The following BCAR1 variants were observed in gnomAD, a reference collection of about 807,000 sequenced individuals.
The protein encoded by BCAR1 is BCAR1 scaffold protein, Cas family member.
Under a neutral mutation model 67.6 loss-of-function variants are expected in BCAR1, and 30 were observed. The ratio of observed to expected loss-of-function variants is 0.44; its 90% CI spans 0.33 to 0.60. The LOEUF is 0.60. Among genes scored for constraint, BCAR1 ranks in the 20% least tolerant of loss-of-function variants. The probability of loss-of-function intolerance (pLI) is 0.02; values close to 1 mark genes in which losing one functional copy is unlikely to be tolerated. For missense variants in BCAR1, 1,313 were observed against 1,222.3 expected, an observed-to-expected ratio of 1.07 and a Z score of -1.11; for synonymous variants, 626 against 556.7, an observed-to-expected ratio of 1.12 and a Z score of -1.75.
Position 75,229,913 on chromosome 16 carries a change from C to A in BCAR1, c.2211G>T (p.Gly737=). The part of the protein sequence containing the change: ...PLAPGRTGGL[G]PSDRQLLLFY... ...AGAGCAGCAGCTGCCGGTCCGAGGGCCCCAGGCCGCCTGTTCGCCCCGGGG... is the reference window on the plus strand; with the variant it reads ...AGAGCAGCAGCTGCCGGTCCGAGGGACCCAGGCCGCCTGTTCGCCCCGGGG... The change falls in exon 7 of 7, where the codon GGG becomes GGT. Residue 737 remains glycine, a synonymous_variant. Coordinates refer to ENST00000162330, the MANE Select transcript of BCAR1 (RefSeq NM_014567.5). 6.2e-7 allele frequency: 1 copy of A among 1,608,016 alleles called. No homozygotes were observed.
intron 1 of BCAR1, chr16:75,245,993 T>TTTTTTTTTTTTTA (rs2077510862): frequency 8.1e-6 from 1 of 123,306 alleles, no homozygotes. Flanking sequence ...TTTTTTTTTT[T>TTTTTTTTTTTTTA]GAGACTGGGT....
At chr16:75,264,291 C>T in intron 1 of BCAR1, 1 of 1,407,856 alleles carries the variant, frequency 7.1e-7, no homozygotes, top group Non-Finnish European at 9.3e-7. Flanking sequence ...CCCATAGAGG[C>T]CCGCCCAGGC....
At chr16:75,248,317 G>T in intron 1 of BCAR1, 1 of 1,372,054 alleles carries the variant, frequency 7.3e-7, no homozygotes, top group Non-Finnish European at 9.4e-7. Flanking sequence ...GCAGGCACTT[G>T]GGAAACACTG....
chr16:75,236,227 T>C (rs900507547), intron 4 of BCAR1: 3 of 563,962 alleles, frequency 5.3e-6, no homozygotes, highest in South Asian at 2.5e-5. Context: ...ATGACAGCTC[T>C]GGGACGAGCC....
chr16:75,234,871 TG>T lies in BCAR1; in HGVS notation c.2010+17del. 2.6e-6 allele frequency: 4 copies of T among 1,519,942 alleles called. No homozygotes were observed. The highest frequency in any genetic ancestry group is 1.8e-6 in the Non-Finnish European group (2 of 1,132,950). The allele number at this position is 1,519,942 out of a possible 1,614,324, so 94.2% of individuals were successfully genotyped here. The stretch of plus-strand genomic sequence containing the variant: ...AGCGTGGCAGAAGAGGAGCCGGGGC[TG>T]GGCAGGCGGCACCCACCTGTAGGTG... On this transcript the variant is annotated intron_variant, in intron 5 of 6. Coordinates refer to ENST00000162330, the MANE Select transcript of BCAR1 (RefSeq NM_014567.5).
chr16:75,264,342 C>T, intron 1 of BCAR1: 1 of 1,514,784 alleles, frequency 6.6e-7, no homozygotes, highest in Non-Finnish European at 8.8e-7. Context: ...CACTACTGCC[C>T]TGGGATACCG....
intron 4 of BCAR1, chr16:75,236,296 A>C: frequency 4.3e-6 from 2 of 465,638 alleles, no homozygotes; most frequent in African/African-American, 4.0e-5. Flanking sequence ...CCTCCCAAAG[A>C]ATTGCATGTG....
In BCAR1 at chr16:75,229,685, G is replaced by T. The variant is rs1247575010; in HGVS notation, c.2439C>A (p.Thr813=). Residue 813 remains threonine (T), a synonymous_variant, in exon 7 of 7, where the codon ACC becomes ACA. Coordinates refer to ENST00000162330, the MANE Select transcript of BCAR1 (RefSeq NM_014567.5). The part of the protein sequence containing the change: ...AKAADVRSQV[T]HYSNLLCDLL... ...GGTCGCACAGCAGGTTGCTGTAGTG[G>T]GTCACCTGGCTGCGCACGTCAGCAG... 1.2e-6 allele frequency: 2 copies of T among 1,612,866 alleles called. No individual in the cohort carries two copies. The highest frequency in any genetic ancestry group is 1.7e-6 in the Non-Finnish European group (2 of 1,179,922).
chr16:75,257,977 C>T (rs372759921), intron 1 of BCAR1, among the ~76,000 whole-genome samples: 1 of 152,330 alleles, frequency 6.6e-6, no homozygotes, highest in East Asian at 1.9e-4. Context: ...TTTCAGTTTG[C>T]CCATCTGTTA....
At chr16:75,250,859 G>A (rs1216078478) in intron 1 of BCAR1, 1 of 985,470 alleles carries the variant, frequency 1.0e-6, no homozygotes, top group Non-Finnish European at 1.2e-6. Flanking sequence ...ACCGGCGCTC[G>A]GCGTGCGGGG....
intron 1 of BCAR1, chr16:75,246,902 A>C (rs2077538364): frequency 6.6e-6 from 1 of 152,328 alleles, no homozygotes; most frequent in Non-Finnish European, 1.5e-5. Flanking sequence ...AAGGGACACA[A>C]CTGTGACCTC....
At chr16:75,262,914 G>A (rs2151483144) in intron 1 of BCAR1, among the ~76,000 whole-genome samples, 1 of 152,284 alleles carries the variant, frequency 6.6e-6, no homozygotes, top group South Asian at 2.1e-4. Context: ...TAGAGGGCTG[G>A]CTGCTGTCCA....
At chr16:75,240,449 G>A (rs545484293) in intron 2 of BCAR1, among the ~76,000 whole-genome samples, 15 of 152,330 alleles carry the variant, frequency 9.8e-5, no homozygotes, top group African/African-American at 3.4e-4. Flanking sequence ...AAAGTCCAAG[G>A]CGGCTCAGGG....
At chr16:75,245,796 C>T (rs1348628277) in intron 1 of BCAR1, among the ~76,000 whole-genome samples, 1 of 152,132 alleles carries the variant, frequency 6.6e-6, no homozygotes, top group African/African-American at 2.4e-5. Flanking sequence ...CCCCGCCTCT[C>T]CGGGCCTCTC....
At chr16:75,245,753 G>A (rs1340845101) in intron 1 of BCAR1, among the ~76,000 whole-genome samples, 3 of 152,102 alleles carry the variant, frequency 2.0e-5, no homozygotes, top group East Asian at 1.9e-4. Context: ...GGACGCTGCT[G>A]GTACACAACC....
intron 1 of BCAR1, chr16:75,249,248 C>G (rs2077607292): frequency 6.6e-6 from 1 of 152,284 alleles, no homozygotes; most frequent in Non-Finnish European, 1.5e-5. Flanking sequence ...TCAGGGACAG[C>G]ACCAGGCCCA....
intron 1 of BCAR1, among the ~76,000 whole-genome samples, chr16:75,251,202 C>T (rs2077669662): frequency 6.6e-6 from 1 of 152,034 alleles, no homozygotes; most frequent in African/African-American, 2.4e-5. Context: ...GCCCCGCCAG[C>T]CACTTTCCCG....
intron 1 of BCAR1, chr16:75,248,388 T>C (rs914021584): frequency 6.6e-6 from 8 of 1,219,500 alleles, no homozygotes; most frequent in African/African-American, 1.6e-5. Context: ...GGGCATTCTA[T>C]TTGCTTGTCC....
upstream of BCAR1, among the ~76,000 whole-genome samples, chr16:75,253,824 C>G (rs898284385): frequency 2.6e-5 from 4 of 152,184 alleles, no homozygotes; most frequent in Admixed American, 6.5e-5. Context: ...CCAGTCCAGC[C>G]TCCCGGACCT....
Sources: gnomAD v4.1 joint callset for allele counts (sites outside exome capture counted in the v4.1 genomes callset) on GRCh38, gnomAD v4.1.1 for gene constraint, MANE v1.5 for transcripts, NCBI Gene and HGNC (gene_info 2026-07-23, HGNC 2026-07-21) for gene names.